Variants in ANXA4 observed in about 807,000 individuals in gnomAD.
The protein encoded by ANXA4 is annexin A4.
ANXA4 carries 39 observed loss-of-function variants against 49.8 expected under a neutral mutation model. The observed-to-expected ratio is 0.78, with a 90% CI of 0.61 to 1.02. The LOEUF (loss-of-function observed/expected upper bound fraction) is 1.02. Among genes scored for constraint, ANXA4 ranks in the 50% least tolerant of loss-of-function variants. The pLI is 0.00. For missense variants in ANXA4, 360 were observed against 410.1 expected, an observed-to-expected ratio of 0.88 and a Z score of 1.05; for synonymous variants, 134 against 152.5, an observed-to-expected ratio of 0.88 and a Z score of 0.89.
intron 2 of ANXA4, among the ~76,000 whole-genome samples, chr2:69,685,348 TA>T (rs1161660840): frequency 6.8e-6 from 1 of 147,392 alleles, no homozygotes; most frequent in East Asian, 2.3e-4. Flanking sequence ...AGACATTTAA[TA>T]AAGTTTTTTT....
chr2:69,791,232 A>G (rs1393062457), intron 3 of ANXA4, among the ~76,000 whole-genome samples: 1 of 152,192 alleles, frequency 6.6e-6, no homozygotes, highest in Non-Finnish European at 1.5e-5. Context: ...GGAACCCTGT[A>G]TGGAGACTGT....
intron 2 of ANXA4, among the ~76,000 whole-genome samples, chr2:69,695,539 G>A (rs1380931069): frequency 9.9e-5 from 15 of 152,168 alleles, no homozygotes; most frequent in African/African-American, 3.6e-4. Flanking sequence ...AACAACACCC[G>A]CATGCTCTTC....
chr2:69,709,018 G>GTAAAGTAA (rs1284591010), intron 2 of ANXA4, among the ~76,000 whole-genome samples: 1 of 152,084 alleles, frequency 6.6e-6, no homozygotes, highest in African/African-American at 2.4e-5. Context: ...TCTGCCTTAG[G>GTAAAGTAA]TAAAGTAACT....
At chr2:69,793,229 C>T (rs564094972) in intron 3 of ANXA4, among the ~76,000 whole-genome samples, 14 of 141,866 alleles carry the variant, frequency 9.9e-5, no homozygotes, top group Admixed American at 4.7e-4. Flanking sequence ...TCCAGTCTGG[C>T]GACAGAGCAA....
chr2:69,645,184 G>A (rs1216209621), intron 1 of ANXA4, among the ~76,000 whole-genome samples: 1 of 152,154 alleles, frequency 6.6e-6, no homozygotes, highest in Non-Finnish European at 1.5e-5. Context: ...AGCTGTGACT[G>A]GGTTAACAGT....
At chr2:69,783,406 AG>A (rs1415447357) in intron 2 of ANXA4, among the ~76,000 whole-genome samples, 1 of 152,000 alleles carries the variant, frequency 6.6e-6, no homozygotes, top group East Asian at 1.9e-4. Context: ...TGGTAGAGAC[AG>A]GGTTTCACTG....
chr2:69,773,777 G>A (rs373982554), intron 1 of ANXA4, among the ~76,000 whole-genome samples: 30 of 151,152 alleles, frequency 2.0e-4, no homozygotes, highest in African/African-American at 6.8e-4. Flanking sequence ...GATTACAGGC[G>A]TGCACCACCA....
At chr2:69,692,595 C>T (rs865892902) in intron 2 of ANXA4, among the ~76,000 whole-genome samples, 3 of 152,104 alleles carry the variant, frequency 2.0e-5, no homozygotes, top group South Asian at 2.1e-4. Context: ...GGGAGAGGAG[C>T]CCAGTCTTCA....
chr2:69,722,915 G>A (rs1036562276), intron 3 of ANXA4, among the ~76,000 whole-genome samples: 5 of 151,856 alleles, frequency 3.3e-5, no homozygotes, highest in African/African-American at 1.2e-4. Context: ...GCTCATGCCT[G>A]TAATCCCAGC....
intron 2 of ANXA4, among the ~76,000 whole-genome samples, chr2:69,658,887 G>A (rs57535785): frequency 0.022 from 3,315 of 152,090 alleles, 119 homozygotes; most frequent in African/African-American, 0.076. Context: ...TAGTAGAGAC[G>A]GGGTTTCACC....
At chr2:69,663,526 G>A (rs1167223095) in intron 2 of ANXA4, among the ~76,000 whole-genome samples, 1 of 151,962 alleles carries the variant, frequency 6.6e-6, no homozygotes, top group Non-Finnish European at 1.5e-5. Context: ...TGGGCATGGT[G>A]ACACAAGACT....
chr2:69,718,870 A>G, intron 2 of ANXA4, among the ~76,000 whole-genome samples: 1 of 152,132 alleles, frequency 6.6e-6, no homozygotes, highest in East Asian at 1.9e-4. Flanking sequence ...ACATGTGTGC[A>G]TACGCACATG....
chr2:69,676,006 CAA>C (rs558159796), intron 2 of ANXA4, among the ~76,000 whole-genome samples: 3 of 99,032 alleles, frequency 3.0e-5, no homozygotes, highest in Admixed American at 1.1e-4. Context: ...GACTCTGTCT[CAA>C]AAAAAAAAAA....
chr2:69,789,087 ATGTATT>A (rs1227077987), intron 3 of ANXA4, among the ~76,000 whole-genome samples: 5 of 152,160 alleles, frequency 3.3e-5, no homozygotes, highest in African/African-American at 9.7e-5. Flanking sequence ...AATTTTAGAA[ATGTATT>A]TGTTTTCCAA....
intron 2 of ANXA4, among the ~76,000 whole-genome samples, chr2:69,684,335 C>T (rs141886004): frequency 2.1e-4 from 32 of 152,258 alleles, no homozygotes; most frequent in African/African-American, 6.7e-4. Context: ...GACACAGTTG[C>T]GTCAGAAAGG....
intron 2 of ANXA4, among the ~76,000 whole-genome samples, chr2:69,671,082 G>A (rs986970081): frequency 6.7e-6 from 1 of 149,558 alleles, no homozygotes; most frequent in Non-Finnish European, 1.5e-5. Flanking sequence ...AATTCAGAAT[G>A]GACCTAAAAT....
chr2:69,694,598 C>T lies in ANXA4; in HGVS notation n.767-26176C>T, dbSNP rs560132297. On this transcript the variant is annotated intron_variant and non_coding_transcript_variant, in intron 2 of 3. Transcript: ENST00000418066. ...TCCATGTGTTCTCATTGTTCAATTC[C>T]CACCTATGAGTGAGAACATGTGGTG... is the stretch of plus-strand genomic sequence containing the variant. 1.5e-4 allele frequency among the ~76,000 whole-genome samples: 21 copies of T among 140,264 alleles called. No individual in the cohort carries two copies. The East Asian group carries it at 4.2e-3, about 28-fold the overall frequency. The allele number at this position is 140,264 out of a possible 152,430, so 92.0% of individuals were successfully genotyped here. A position where few individuals can be genotyped will look rare whatever the true frequency, so the allele number is the denominator to read the frequency against.
intron 8 of ANXA4, among the ~76,000 whole-genome samples, chr2:69,813,294 G>T (rs1468227660): frequency 1.3e-5 from 2 of 151,538 alleles, no homozygotes; most frequent in African/African-American, 4.9e-5. Context: ...TGTTGCCCAG[G>T]CTGGAGTGCA....
rs764567406 is a variant in ANXA4, at chr2:69,804,602, C to T, written c.167C>T (p.Thr56Ile). ...ACCGCCCAGCGCCAGGAGATCAGGA[C>T]AGCCTACAAGAGCACCATCGGCAGG... is the stretch of plus-strand genomic sequence containing the variant. Reference protein sequence around the residue: ...RNTAQRQEIRTAYKSTIGRDL... With the variant: ...RNTAQRQEIRIAYKSTIGRDL... Residue 56 changes from threonine to isoleucine, a missense_variant, in exon 4 of 13, where the codon ACA (threonine) becomes ATA (isoleucine). By Grantham distance (89) the Thr-to-Ile change is moderately conservative. Coordinates refer to ENST00000394295, the MANE Select transcript of ANXA4 (RefSeq NM_001153.5). 6.2e-7 allele frequency: 1 copy of T among 1,613,622 alleles called. No individual in the cohort carries two copies. Among genetic ancestry groups the T allele is most frequent in the Non-Finnish European group, 8.5e-7 (1 of 1,179,856 alleles).
Sources: gnomAD v4.1 joint callset for allele counts (sites outside exome capture counted in the v4.1 genomes callset) on GRCh38, gnomAD v4.1.1 for gene constraint, MANE v1.5 for transcripts, NCBI Gene and HGNC (gene_info 2026-07-23, HGNC 2026-07-21) for gene names.